The following RILPL1 variants were observed in gnomAD, a reference collection of about 807,000 sequenced individuals.
RILPL1 encodes Rab interacting lysosomal protein like 1.
Under a neutral mutation model 50.3 loss-of-function variants are expected in RILPL1, and 33 were observed. The observed-to-expected ratio is 0.66, with a 90% confidence interval of 0.50 to 0.88. The LOEUF (loss-of-function observed/expected upper bound fraction) is 0.88. Among genes scored for constraint, RILPL1 ranks in the 40% least tolerant of loss-of-function variants. The probability of loss-of-function intolerance (pLI) is 0.00; values close to 1 mark genes in which losing one functional copy is unlikely to be tolerated. For synonymous variants in RILPL1, 205 were observed against 228.6 expected (o/e 0.90, Z 0.93); for missense variants, 418 against 542.5 (o/e 0.77, Z 2.28).
intron 6 of RILPL1, chr12:123,475,893 T>C: frequency 1.9e-6 from 1 of 530,876 alleles, no homozygotes. Context: ...TAAATTCACT[T>C]AAAATTTTTT....
At chr12:123,511,914 C>T (rs1335338591) in intron 2 of RILPL1, among the ~76,000 whole-genome samples, 1 of 79,022 alleles carries the variant, frequency 1.3e-5, no homozygotes, top group Non-Finnish European at 2.4e-5. Flanking sequence ...TGTGTGAGGT[C>T]TGTGTCTGTG....
At chr12:123,487,753 C>T (rs1002745161) in intron 4 of RILPL1, among the ~76,000 whole-genome samples, 2 of 152,198 alleles carry the variant, frequency 1.3e-5, no homozygotes, top group Non-Finnish European at 2.9e-5. Context: ...TTAGTGTGGA[C>T]ACTTGTTTTC....
At chr12:123,480,210 G>A (rs569129419) in intron 6 of RILPL1, among the ~76,000 whole-genome samples, 4 of 147,214 alleles carry the variant, frequency 2.7e-5, no homozygotes, top group Admixed American at 2.1e-4. Context: ...GTCCAGGCTC[G>A]AATGCAGTGG....
At chr12:123,479,045 C>T (rs1439220223) in intron 6 of RILPL1, among the ~76,000 whole-genome samples, 1 of 152,126 alleles carries the variant, frequency 6.6e-6, no homozygotes, top group East Asian at 1.9e-4. Context: ...ACGCCTGTGA[C>T]TCATGATGCA....
chr12:123,503,975 T>A (rs1883570096), intron 2 of RILPL1, among the ~76,000 whole-genome samples: 1 of 142,004 alleles, frequency 7.0e-6, no homozygotes, highest in South Asian at 2.2e-4. Flanking sequence ...CACTCCAGCC[T>A]GGGTGATAGA....
At position 123,533,548 on chromosome 12, in the gene RILPL1, G is replaced by GGGCCGGGCC; in HGVS notation, c.-75_-67dup. Reference sequence around the variant, plus strand: ...CAACTCCCAAACTTGCCGCTGTCGAGGGCCGGGCCGGCCGGGCCCAGCCTG... The same window carrying GGGCCGGGCC: ...CAACTCCCAAACTTGCCGCTGTCGAGGGCCGGGCCGGCCGGGCCGGCCGGGCCCAGCCTG... On this transcript the variant is annotated 5_prime_UTR_variant, in exon 1 of 7. Transcript: ENST00000376874. This position sits in a 1 kb window ranked among gnomAD's most constrained non-coding sequence, Gnocchi z 6.2. 1.5e-6 allele frequency: 2 copies of GGGCCGGGCC among 1,351,944 alleles called. No homozygotes were observed. The highest frequency in any genetic ancestry group is 1.9e-6 in the Non-Finnish European group (2 of 1,037,658). 83.7% of individuals were successfully genotyped at this position (1,351,944 alleles called of 1,614,324 possible).
In RILPL1 at chr12:123,489,721, A is replaced by C. The variant is rs1882564342; in HGVS notation, c.802-3916T>G. Among the ~76,000 whole-genome samples the C allele has an allele frequency of 6.6e-6, 1 of 151,970 alleles. No individual in the cohort carries two copies. Among genetic ancestry groups the C allele is most frequent in the African/African-American group, 2.4e-5 (1 of 41,378 alleles). ...ACACAAGATCTAACTGGAGAGAATC[A>C]GGGAAGATGTTAATCAGATGTGGTC... On this transcript the variant is annotated intron_variant, in intron 4 of 6. Transcript: ENST00000376874. The surrounding 1 kb of genome is among the most constrained non-coding windows in gnomAD (Gnocchi z 4.0).
chr12:123,493,802 T>G (rs1882848942), intron 4 of RILPL1, among the ~76,000 whole-genome samples: 1 of 141,856 alleles, frequency 7.0e-6, no homozygotes, highest in African/African-American at 2.7e-5. Context: ...TTTTTTTTTT[T>G]GAGATGAAGT....
chr12:123,494,426 C>T (rs138655738), intron 4 of RILPL1, among the ~76,000 whole-genome samples: 3 of 152,236 alleles, frequency 2.0e-5, no homozygotes, highest in African/African-American at 7.2e-5. Flanking sequence ...CTCCTCTCTT[C>T]CCTGCCCCAT....
chr12:123,523,385 G>T, intron 2 of RILPL1, 110 bp downstream of exon 2: 3 of 1,288,664 alleles, frequency 2.3e-6, no homozygotes, highest in Non-Finnish European at 3.3e-6. Flanking sequence ...AGGGCTTTGG[G>T]AATCAGCCAG....
chr12:123,518,499 C>CAA, intron 2 of RILPL1: 2 of 132,742 alleles, frequency 1.5e-5, no homozygotes, highest in Non-Finnish European at 1.5e-5. Context: ...AGAGACCTGT[C>CAA]CAAAAAAAAA....
rs957833293 is a variant in RILPL1 at position 123,484,868 on chromosome 12, C to T, written c.975-596G>A. 2.0e-5 allele frequency: 5 copies of T among 249,916 alleles called. No homozygotes were observed. The East Asian group carries it at 4.5e-4, about 22-fold the overall frequency. 15.5% of individuals were successfully genotyped at this position (249,916 alleles called of 1,614,324 possible). On this transcript the variant is annotated intron_variant, in intron 5 of 6. Transcript: ENST00000376874. ...GAGATGGGGGTCCCACTATGTTGCC[C>T]AGGCTGGTTTCGAGTCCTGGGTTCA...
chr12:123,510,920 TGTGTGTGTG>T (rs1197118309), intron 2 of RILPL1, among the ~76,000 whole-genome samples: 1 of 115,058 alleles, frequency 8.7e-6, no homozygotes, highest in Non-Finnish European at 2.1e-5. Context: ...GTGAGGTCTG[TGTGTGTGTG>T]GTGTGTGTAA....
At position 123,472,330 on chromosome 12, in the gene RILPL1, G is replaced by A; in HGVS notation, c.*208C>T. On this transcript the variant is annotated 3_prime_UTR_variant, in exon 7 of 7. Coordinates refer to ENST00000376874, the MANE Select transcript of RILPL1 (RefSeq NM_178314.5). ...ATCAGAGTCATCTATTAGAAACAGTGATAGCCCTGGGTATAAATAAACATT... is the reference window on the plus strand; with the variant it reads ...ATCAGAGTCATCTATTAGAAACAGTAATAGCCCTGGGTATAAATAAACATT... The A allele has an allele frequency of 1.8e-6, 1 of 558,216 alleles. No individual in the cohort carries two copies. The highest frequency in any genetic ancestry group is 3.2e-6 in the Non-Finnish European group (1 of 314,696). The allele number at this position is 558,216 out of a possible 1,614,324, so 34.6% of individuals were successfully genotyped here.
rs544753287 is a variant in RILPL1 at position 123,531,672 on chromosome 12, C to T, written c.309+1502G>A. ...GCCCTTGCTATGGGCAGGCTCTGTCCTGAACACTTTATATGTATTTATATT... is the reference window on the plus strand; with the variant it reads ...GCCCTTGCTATGGGCAGGCTCTGTCTTGAACACTTTATATGTATTTATATT... On this transcript the variant is annotated intron_variant, in intron 1 of 6. Transcript: ENST00000376874. Among the ~76,000 whole-genome samples the T allele has an allele frequency of 1.4e-4, 21 of 152,302 alleles. No individual in the cohort carries two copies. In the South Asian group the frequency reaches 4.1e-3, roughly 30 times the overall value.
At position 123,498,069 on chromosome 12, in the gene RILPL1, A is replaced by G. The variant is rs1206135921; in HGVS notation, c.801+475T>C. Among the ~76,000 whole-genome samples, 1 of 152,176 alleles carries G rather than the reference A, an allele frequency of 6.6e-6. No homozygotes were observed. The highest frequency in any genetic ancestry group is 1.5e-5 in the Non-Finnish European group (1 of 68,038). On this transcript the variant is annotated intron_variant, in intron 4 of 6. Coordinates refer to ENST00000376874, the MANE Select transcript of RILPL1 (RefSeq NM_178314.5). This position sits in a 1 kb window ranked among gnomAD's most constrained non-coding sequence, Gnocchi z 4.3. Reference sequence around the variant, plus strand: ...TGGGCCGGCTACACAGTCAACAATCATTGGTATGAATGAATAAATAAATGG... The same window carrying G: ...TGGGCCGGCTACACAGTCAACAATCGTTGGTATGAATGAATAAATAAATGG...
At chr12:123,495,609 T>C (rs890151287) in intron 4 of RILPL1, among the ~76,000 whole-genome samples, 112 of 150,400 alleles carry the variant, frequency 7.4e-4, no homozygotes, top group Non-Finnish European at 1.5e-3. Flanking sequence ...CTCCTGACCT[T>C]GTGATCCGCC....
chr12:123,514,919 TAAA>T (rs1884602394), intron 2 of RILPL1, among the ~76,000 whole-genome samples: 1 of 150,138 alleles, frequency 6.7e-6, no homozygotes, highest in Non-Finnish European at 1.5e-5. Context: ...ATCCAAACAA[TAAA>T]TACATAAATA....
chr12:123,475,599 G>T (rs1593527732), intron 6 of RILPL1: 1 of 1,073,956 alleles, frequency 9.3e-7, no homozygotes, highest in Non-Finnish European at 1.4e-6. Flanking sequence ...AGCCCCAGCA[G>T]TAGCCGAAGC....
Sources: gnomAD v4.1 joint callset for allele counts (sites outside exome capture counted in the v4.1 genomes callset) on GRCh38, gnomAD v4.1.1 for gene constraint, Gnocchi (gnomAD v3.1) non-coding constraint, MANE v1.5 for transcripts, NCBI Gene and HGNC (gene_info 2026-07-23, HGNC 2026-07-21) for gene names.